Variants in DTWD2 observed in about 807,000 individuals in gnomAD.
The protein encoded by DTWD2 is DTW motif tRNA-uridine aminocarboxypropyltransferase 2.
A neutral mutation model predicts 31.8 loss-of-function variants in DTWD2; 39 were observed. The ratio of observed to expected loss-of-function variants is 1.22; its 90% confidence interval spans 0.95 to 1.60. DTWD2 has a LOEUF of 1.60. DTWD2 is among the 40% of genes most tolerant of loss of function. The probability of loss-of-function intolerance (pLI) is 0.00; values close to 1 mark genes in which losing one functional copy is unlikely to be tolerated. For synonymous variants in DTWD2, 180 were observed against 142.8 expected (o/e 1.26, Z -1.86); for missense variants, 515 against 381.5 (o/e 1.35, Z -2.92).
At chr5:118,933,519 T>C (rs1320770454) in intron 3 of DTWD2, among the ~76,000 whole-genome samples, 2 of 152,088 alleles carry the variant, frequency 1.3e-5, no homozygotes, top group Admixed American at 1.3e-4. Context: ...ATAAATGTAA[T>C]CACCCACATC....
At position 118,887,431 on chromosome 5, in the gene DTWD2, G is replaced by A. The variant is rs144204536; in HGVS notation, c.598-39213C>T. On this transcript the variant is annotated intron_variant, in intron 4 of 5. Coordinates refer to ENST00000510708, the MANE Select transcript of DTWD2 (RefSeq NM_173666.4). The stretch of plus-strand genomic sequence containing the variant: ...GGTGATCAATAAAGACTGTGTACAT[G>A]TCCAAATGTAAAGATCTACACTATT... Among the ~76,000 whole-genome samples, 234 of 118,950 alleles carry A rather than the reference G, an allele frequency of 2.0e-3. 2 individuals are homozygous for A. Among genetic ancestry groups the A allele is most frequent in the African/African-American group, 7.1e-3 (225 of 31,580 alleles). The allele number at this position is 118,950 out of a possible 152,430, so 78.0% of individuals were successfully genotyped here. A position where few individuals can be genotyped will look rare whatever the true frequency, so the allele number is the denominator to read the frequency against.
At chr5:118,896,728 A>G (rs999791043) in intron 4 of DTWD2, among the ~76,000 whole-genome samples, 6 of 152,246 alleles carry the variant, frequency 3.9e-5, no homozygotes, top group Admixed American at 1.3e-4. Flanking sequence ...TTTCAGAAGT[A>G]TAAGATTATT....
At chr5:118,980,717 T>C (rs530086662) in intron 1 of DTWD2, among the ~76,000 whole-genome samples, 2 of 152,320 alleles carry the variant, frequency 1.3e-5, no homozygotes, top group South Asian at 2.1e-4. Flanking sequence ...GGAATGTAGG[T>C]GGTGCAGCTA....
intron 4 of DTWD2, among the ~76,000 whole-genome samples, chr5:118,868,296 A>G (rs62374076): frequency 0.096 from 14,678 of 152,120 alleles, 805 homozygotes; most frequent in Middle Eastern, 0.2. Flanking sequence ...CATAAGTGCT[A>G]AAACTATAAA....
intron 5 of DTWD2, 48 bp from the exon 6 acceptor site, chr5:118,841,135 A>C: frequency 6.4e-7 from 1 of 1,554,464 alleles, no homozygotes; most frequent in Non-Finnish European, 8.7e-7. Flanking sequence ...ACAAATCATG[A>C]TATTCTATCT....
rs924315219 is a variant in DTWD2, at chr5:118,983,513, C to T, written c.218+4781G>A. ...CTTCTCTCTCTCCTTTCCCCATTTT[C>T]TCTCTCTCTCTCTCTCTTATGATGT... On this transcript the variant is annotated intron_variant, in intron 1 of 5. Transcript: ENST00000510708. Among the ~76,000 whole-genome samples the T allele has an allele frequency of 4.0e-5, 6 of 148,328 alleles. No homozygotes were observed. The East Asian group carries it at 5.8e-4, about 14-fold the overall frequency.
chr5:118,932,871 T>C (rs1435880406), intron 3 of DTWD2, among the ~76,000 whole-genome samples: 1 of 152,004 alleles, frequency 6.6e-6, no homozygotes, highest in Admixed American at 6.6e-5. Context: ...ATGGCAGTCC[T>C]AGCAAACTAA....
chr5:118,918,204 T>G (rs900786910), intron 4 of DTWD2, among the ~76,000 whole-genome samples: 1 of 152,238 alleles, frequency 6.6e-6, no homozygotes, highest in African/African-American at 2.4e-5. Flanking sequence ...GTCTTTTTGT[T>G]TGTTCTTCTA....
At chr5:118,949,426 A>G (rs1754409687) in intron 1 of DTWD2, among the ~76,000 whole-genome samples, 1 of 152,180 alleles carries the variant, frequency 6.6e-6, no homozygotes, top group African/African-American at 2.4e-5. Context: ...ATTGAGGACA[A>G]GAGTGTACGG....
intron 4 of DTWD2, among the ~76,000 whole-genome samples, chr5:118,868,257 A>G (rs1752423346): frequency 6.6e-6 from 1 of 152,120 alleles, no homozygotes; most frequent in South Asian, 2.1e-4. Flanking sequence ...TACACAAAAA[A>G]TTCACTCAAA....
intron 4 of DTWD2, among the ~76,000 whole-genome samples, chr5:118,886,564 G>A (rs1380138477): frequency 2.0e-5 from 3 of 152,172 alleles, no homozygotes; most frequent in Non-Finnish European, 4.4e-5. Flanking sequence ...CAGGTAAAGC[G>A]AAGAGGTAAG....
intron 3 of DTWD2, among the ~76,000 whole-genome samples, chr5:118,929,113 AATCCT>A (rs1753869155): frequency 6.6e-6 from 1 of 152,214 alleles, no homozygotes; most frequent in Non-Finnish European, 1.5e-5. Context: ...TAGCACAAAC[AATCCT>A]AACAATCCCA....
At chr5:118,926,549 A>G (rs1243811572) in intron 4 of DTWD2, among the ~76,000 whole-genome samples, 1 of 152,196 alleles carries the variant, frequency 6.6e-6, no homozygotes, top group East Asian at 1.9e-4. Context: ...ATTTTAAAAA[A>G]AAGAATTCAT....
At chr5:118,875,406 G>C (rs1752597717) in intron 4 of DTWD2, among the ~76,000 whole-genome samples, 1 of 151,808 alleles carries the variant, frequency 6.6e-6, no homozygotes, top group Non-Finnish European at 1.5e-5. Flanking sequence ...GACACAGCAT[G>C]GCAACCTGTA....
chr5:118,855,538 C>T lies in DTWD2; in HGVS notation c.598-7320G>A, dbSNP rs181966090. 2.8e-4 allele frequency among the ~76,000 whole-genome samples: 43 copies of T among 151,930 alleles called. No homozygotes were observed. In the East Asian group the frequency reaches 7.0e-3, roughly 25 times the overall value. The stretch of plus-strand genomic sequence containing the variant: ...ATAAAGAAAACACTAACCTAAATTT[C>T]GACTTATTAAAATACTGATGAAAGA... On this transcript the variant is annotated intron_variant, in intron 4 of 5. Coordinates refer to ENST00000510708, the MANE Select transcript of DTWD2 (RefSeq NM_173666.4).
At chr5:118,907,261 TA>T (rs1180269943) in intron 4 of DTWD2, among the ~76,000 whole-genome samples, 3 of 152,250 alleles carry the variant, frequency 2.0e-5, no homozygotes, top group African/African-American at 7.2e-5. Context: ...GCACTGGGAT[TA>T]ATTTTTGTTC....
Position 118,906,527 on chromosome 5 carries a change from A to C in DTWD2, c.597+22010T>G, listed in dbSNP as rs187635841. Among the ~76,000 whole-genome samples the C allele has an allele frequency of 1.4e-3, 207 of 152,332 alleles. 1 individual carries two copies. Among genetic ancestry groups the C allele is most frequent in the African/African-American group, 4.8e-3 (201 of 41,586 alleles). On this transcript the variant is annotated intron_variant, in intron 4 of 5. Transcript: ENST00000510708. ...ATACCATTAAGAAATAAAAACAATG[A>C]ACTTCTGATACATACAACAAAAATT...
chr5:118,954,546 C>T (rs964013734), intron 1 of DTWD2, among the ~76,000 whole-genome samples: 5 of 152,074 alleles, frequency 3.3e-5, no homozygotes, highest in Non-Finnish European at 7.4e-5. Flanking sequence ...ACAGGTGTCA[C>T]TCTGTCACCC....
At chr5:118,937,797 C>T (rs543992808) in intron 3 of DTWD2, among the ~76,000 whole-genome samples, 82 of 152,078 alleles carry the variant, frequency 5.4e-4, no homozygotes, top group African/African-American at 1.8e-3. Flanking sequence ...TCCAGACTTC[C>T]CTTTGGCCTC....
Sources: allele counts gnomAD v4.1 joint callset (sites outside exome capture counted in the v4.1 genomes callset), GRCh38; gene constraint gnomAD v4.1.1; transcripts MANE v1.5; gene names NCBI Gene and HGNC (gene_info 2026-07-23, HGNC 2026-07-21).